GPC6: variants seen among roughly 807,000 people sequenced by gnomAD.
The protein encoded by GPC6 is glypican 6, also known as glypican-6.
In GPC6, 14 loss-of-function variants were observed where a neutral mutation model predicts 55.2. The ratio of observed to expected loss-of-function variants is 0.25; its 90% CI spans 0.17 to 0.40. The LOEUF is 0.40. Ranked by LOEUF, GPC6 falls within the 10% of genes least tolerant of loss-of-function variation. The pLI, the probability that GPC6 is intolerant of heterozygous loss-of-function variation, is 1.00. For missense variants in GPC6, 641 were observed against 708.5 expected, an observed-to-expected ratio of 0.90 and a Z score of 1.08; for synonymous variants, 278 against 259.6, an observed-to-expected ratio of 1.07 and a Z score of -0.68.
At chr13:93,712,854 C>T (rs1426717962) in intron 2 of GPC6, among the ~76,000 whole-genome samples, 1 of 151,348 alleles carries the variant, frequency 6.6e-6, no homozygotes, top group Non-Finnish European at 1.5e-5. Flanking sequence ...AATATTAGGA[C>T]AAGACTGCTA....
chr13:94,259,905 C>T (rs1314472095), intron 4 of GPC6, among the ~76,000 whole-genome samples: 2 of 151,984 alleles, frequency 1.3e-5, no homozygotes, highest in African/African-American at 4.8e-5. Flanking sequence ...CACACACATA[C>T]ACACACACAC....
intron 4 of GPC6, among the ~76,000 whole-genome samples, chr13:94,218,360 G>A (rs2138997953): frequency 6.6e-6 from 1 of 152,218 alleles, no homozygotes; most frequent in East Asian, 1.9e-4. Context: ...TGCCCACTTT[G>A]GATAAGTGAT....
At chr13:93,808,950 A>G (rs558414820) in intron 2 of GPC6, among the ~76,000 whole-genome samples, 333 of 152,350 alleles carry the variant, frequency 2.2e-3, no homozygotes, top group African/African-American at 7.5e-3. Context: ...TGGCGGCTCC[A>G]TCAGAGAAGT....
intron 3 of GPC6, among the ~76,000 whole-genome samples, chr13:93,862,854 AT>A (rs148716133): frequency 1.3e-5 from 2 of 150,996 alleles, no homozygotes; most frequent in Admixed American, 6.6e-5. Context: ...TTGTTTTATC[AT>A]TTTTTTTCTC....
chr13:93,817,406 G>A (rs1886891050), intron 2 of GPC6, among the ~76,000 whole-genome samples: 1 of 152,004 alleles, frequency 6.6e-6, no homozygotes, highest in African/African-American at 2.4e-5. Flanking sequence ...ATAATGGGAT[G>A]GATATCTTTG....
intron 4 of GPC6, among the ~76,000 whole-genome samples, chr13:94,153,208 T>C (rs2138899257): frequency 6.6e-6 from 1 of 152,112 alleles, no homozygotes; most frequent in East Asian, 1.9e-4. Context: ...CTTCTTCCAT[T>C]AATACCCTCA....
Position 94,114,008 on chromosome 13 carries a change from C to T in GPC6, c.877+86114C>T, listed in dbSNP as rs561110155. Among the ~76,000 whole-genome samples, 18 of 121,410 alleles carry T rather than the reference C, an allele frequency of 1.5e-4. No homozygotes were observed. The East Asian group carries it at 4.5e-3, about 30-fold the overall frequency. 79.6% of individuals were successfully genotyped at this position (121,410 alleles called of 152,430 possible). On this transcript the variant is annotated intron_variant, in intron 4 of 8. Coordinates refer to ENST00000377047, the MANE Select transcript of GPC6 (RefSeq NM_005708.5). ...CTCCAGCCTGAGTGACAGAACAAGA[C>T]TCTGTCTAAAAAAAAAAAAAAAAAA...
intron 4 of GPC6, among the ~76,000 whole-genome samples, chr13:94,259,931 T>C (rs1472146991): frequency 6.6e-6 from 1 of 152,176 alleles, no homozygotes; most frequent in African/African-American, 2.4e-5. Flanking sequence ...CGATATTTTG[T>C]TTATCATTAA....
At chr13:93,827,101 A>G (rs533778330) in intron 2 of GPC6, among the ~76,000 whole-genome samples, 1 of 152,346 alleles carries the variant, frequency 6.6e-6, no homozygotes, top group African/African-American at 2.4e-5. Flanking sequence ...AAAATCAAAT[A>G]GCATTTCTTT....
chr13:93,375,992 T>C (rs1874878096), intron 1 of GPC6, among the ~76,000 whole-genome samples: 2 of 151,796 alleles, frequency 1.3e-5, no homozygotes, highest in South Asian at 4.1e-4. Context: ...CAATAAATGG[T>C]GGTGGACTAC....
intron 1 of GPC6, among the ~76,000 whole-genome samples, chr13:93,373,485 C>G (rs1874754003): frequency 6.6e-6 from 1 of 152,064 alleles, no homozygotes; most frequent in Admixed American, 6.5e-5. Flanking sequence ...AACCAAAGAA[C>G]AAACAAGCAA....
intron 4 of GPC6, among the ~76,000 whole-genome samples, chr13:94,260,417 C>T (rs1891623082): frequency 6.6e-6 from 1 of 152,108 alleles, no homozygotes; most frequent in Non-Finnish European, 1.5e-5. Context: ...AGTCCAAGAT[C>T]AAGGTGTCAG....
intron 4 of GPC6, among the ~76,000 whole-genome samples, chr13:94,276,515 G>A (rs1257439046): frequency 6.6e-6 from 1 of 151,856 alleles, no homozygotes; most frequent in Non-Finnish European, 1.5e-5. Context: ...TGTACAGAAC[G>A]TGCAGGTGTG....
intron 6 of GPC6, among the ~76,000 whole-genome samples, chr13:94,312,685 CAGACACACACGA>C (rs1169576383): frequency 6.6e-6 from 1 of 151,384 alleles, no homozygotes; most frequent in East Asian, 1.9e-4. Flanking sequence ...CACCCCAACA[CAGACACACACGA>C]AGACACACAC....
intron 4 of GPC6, among the ~76,000 whole-genome samples, chr13:94,268,964 G>A (rs1452767239): frequency 1.3e-5 from 2 of 152,168 alleles, no homozygotes; most frequent in Non-Finnish European, 2.9e-5. Flanking sequence ...GAAGCCAGGG[G>A]CTCATGGGCT....
chr13:93,441,704 C>T (rs1480920283), intron 1 of GPC6, among the ~76,000 whole-genome samples: 2 of 152,106 alleles, frequency 1.3e-5, no homozygotes, highest in Non-Finnish European at 2.9e-5. Context: ...TTAATTAGAT[C>T]CCGTTTGTCA....
At chr13:94,064,384 A>C (rs939858171) in intron 4 of GPC6, among the ~76,000 whole-genome samples, 1 of 152,180 alleles carries the variant, frequency 6.6e-6, no homozygotes, top group Non-Finnish European at 1.5e-5. Flanking sequence ...CACACTTGAA[A>C]AAGGCACTAC....
chr13:94,054,034 A>C (rs1177668026), intron 4 of GPC6, among the ~76,000 whole-genome samples: 1 of 152,144 alleles, frequency 6.6e-6, no homozygotes, highest in East Asian at 1.9e-4. Flanking sequence ...CTCTGCTAAT[A>C]ATTAAAAGGA....
At chr13:94,020,503 AT>A (rs1489286334) in intron 3 of GPC6, among the ~76,000 whole-genome samples, 3 of 151,876 alleles carry the variant, frequency 2.0e-5, no homozygotes, top group African/African-American at 7.3e-5. Context: ...CTGTCATGTC[AT>A]TTTTTGCTAG....
Sources: allele counts gnomAD v4.1 joint callset (sites outside exome capture counted in the v4.1 genomes callset), GRCh38; gene constraint gnomAD v4.1.1; transcripts MANE v1.5; gene names NCBI Gene and HGNC (gene_info 2026-07-23, HGNC 2026-07-21).